NBAS: variants seen among roughly 807,000 people sequenced by gnomAD.
NBAS encodes the protein NAG/BC035112 fusion.
In NBAS, 219 loss-of-function variants were observed where a neutral mutation model predicts 302.5. That is an observed-to-expected ratio of 0.72 (90% CI 0.65 to 0.81). The LOEUF is 0.81. Among genes scored for constraint, NBAS ranks in the 30% least tolerant of loss-of-function variants. NBAS has a pLI of 0.00. For missense variants in NBAS, 2,932 were observed against 2,841.6 expected, an observed-to-expected ratio of 1.03 and a Z score of -0.72; for synonymous variants, 1,118 against 1,021.6, an observed-to-expected ratio of 1.09 and a Z score of -1.80.
At chr2:15,092,739 GATAATTGACTCTAT>G in the NBAS span, among the ~76,000 whole-genome samples, 4 of 152,298 alleles carry the variant, frequency 2.6e-5, no homozygotes, top group South Asian at 8.3e-4. Context: ...ATCTGCTCAG[GATAATTGACTCTAT>G]ATGAAGTCGG....
the NBAS span, among the ~76,000 whole-genome samples, chr2:15,088,669 C>G: frequency 6.6e-6 from 1 of 152,166 alleles, no homozygotes; most frequent in Non-Finnish European, 1.5e-5. Context: ...TCGGTGCTTC[C>G]TAGAGGACCA....
chr2:15,424,451 T>C lies in NBAS; in HGVS notation c.2441A>G (p.Asn814Ser). Residue 814 changes from asparagine (N) to serine (S), a missense_variant, in exon 23 of 52, where the codon AAT (asparagine) becomes AGT (serine). Transcript: ENST00000281513. ...CAAGAATTCACTTTCATCTTGGAGA[T>C]TCGGCTCAACAACCATTCTGTGAAG... The part of the protein sequence containing the change: ...ELACRMVVEP[N>S]LQDESEFLYA... The C allele has an allele frequency of 3.1e-6, 5 of 1,614,110 alleles. No homozygotes were observed. Among genetic ancestry groups the C allele is most frequent in the Non-Finnish European group, 3.4e-6 (4 of 1,179,972 alleles).
At chr2:15,394,895 C>G (rs1675794984) in intron 27 of NBAS, among the ~76,000 whole-genome samples, 1 of 152,162 alleles carries the variant, frequency 6.6e-6, no homozygotes, top group East Asian at 1.9e-4. Context: ...TCATCAACAT[C>G]ATATAAATAC....
the NBAS span, among the ~76,000 whole-genome samples, chr2:14,963,138 T>G: frequency 6.6e-6 from 1 of 152,006 alleles, no homozygotes; most frequent in East Asian, 1.9e-4. Context: ...TGTGGTGGTG[T>G]GTGCCTGTAA....
At chr2:15,152,956 T>C in the NBAS span, among the ~76,000 whole-genome samples, 1 of 152,134 alleles carries the variant, frequency 6.6e-6, no homozygotes, top group East Asian at 1.9e-4. Flanking sequence ...AGAACAGAGA[T>C]TTAGGGCCAA....
chr2:15,302,926 C>T (rs1558517185), intron 40 of NBAS, among the ~76,000 whole-genome samples: 3 of 152,180 alleles, frequency 2.0e-5, no homozygotes, highest in African/African-American at 7.2e-5. Context: ...TGCCCTTGAA[C>T]ATCAGACTCC....
At chr2:15,520,073 A>G (rs967358780) in intron 9 of NBAS, among the ~76,000 whole-genome samples, 2 of 151,968 alleles carry the variant, frequency 1.3e-5, no homozygotes. Context: ...CTCGGCTATA[A>G]TTTTTTTTAA....
At chr2:15,501,066 C>T (rs1444083352) in intron 11 of NBAS, among the ~76,000 whole-genome samples, 1 of 152,104 alleles carries the variant, frequency 6.6e-6, no homozygotes, top group Non-Finnish European at 1.5e-5. Context: ...CTTCGGGAGG[C>T]CGAGGCCAGC....
the NBAS span, among the ~76,000 whole-genome samples, chr2:14,914,448 G>C: frequency 9.8e-5 from 15 of 152,328 alleles, no homozygotes; most frequent in Non-Finnish European, 1.8e-4. Context: ...TCTGCAGAAG[G>C]ATGTGATTGG....
rs948843279 is a variant in NBAS at position 15,430,982 on chromosome 2, T to C, written c.2340-3188A>G. ...CCACAGTAGGCCCGGCTAATTTTTT[T>C]TTTTTTTAGAGAGACAGTTTCACCA... On this transcript the variant is annotated intron_variant, in intron 21 of 51. Coordinates refer to ENST00000281513, the MANE Select transcript of NBAS (RefSeq NM_015909.4). 2.6e-5 allele frequency among the ~76,000 whole-genome samples: 4 copies of C among 152,060 alleles called. No individual in the cohort carries two copies. In the East Asian group the frequency reaches 5.8e-4, roughly 22 times the overall value.
chr2:15,452,448 C>T (rs954594635), intron 21 of NBAS, among the ~76,000 whole-genome samples: 4 of 82,086 alleles, frequency 4.9e-5, no homozygotes, highest in Admixed American at 1.1e-4. Flanking sequence ...ATTAGTCGGG[C>T]GTGGTGGCGG....
chr2:15,538,822 A>C (rs1205442578), intron 7 of NBAS, among the ~76,000 whole-genome samples: 1 of 152,222 alleles, frequency 6.6e-6, no homozygotes, highest in Non-Finnish European at 1.5e-5. Flanking sequence ...AGAATAAAAT[A>C]GTATACAAAT....
At chr2:15,421,431 T>C (rs1677208053) in intron 23 of NBAS, among the ~76,000 whole-genome samples, 2 of 152,080 alleles carry the variant, frequency 1.3e-5, no homozygotes, top group African/African-American at 4.8e-5. Context: ...ATACCCTAGG[T>C]CCTGGCCAGA....
At chr2:15,135,044 C>G in the NBAS span, among the ~76,000 whole-genome samples, 2 of 152,196 alleles carry the variant, frequency 1.3e-5, no homozygotes, top group Non-Finnish European at 2.9e-5. Context: ...TTTCCAAGAG[C>G]CCACACTTGT....
chr2:15,017,888 C>T, the NBAS span, among the ~76,000 whole-genome samples: 1 of 151,970 alleles, frequency 6.6e-6, no homozygotes, highest in South Asian at 2.1e-4. Context: ...ATGGAATCCA[C>T]CAAGGTTCCC....
the NBAS span, among the ~76,000 whole-genome samples, chr2:14,953,556 T>G: frequency 2.0e-5 from 3 of 152,138 alleles, no homozygotes; most frequent in African/African-American, 7.2e-5. Flanking sequence ...GATGTGGGTA[T>G]GTGTGTCTGG....
chr2:15,439,273 A>G (rs150647719), intron 21 of NBAS, among the ~76,000 whole-genome samples: 1,820 of 150,070 alleles, frequency 0.012, 29 homozygotes, highest in East Asian at 0.057. Context: ...CTGCACTCCG[A>G]CCTGGGCCAA....
chr2:15,292,939 C>T (rs190205702), intron 40 of NBAS, among the ~76,000 whole-genome samples, 173 bp from the exon 41 acceptor site: 8 of 152,264 alleles, frequency 5.3e-5, no homozygotes, highest in South Asian at 2.1e-4. Flanking sequence ...TGGCACTTTA[C>T]CCAGTTAGCA....
At chr2:15,270,240 G>C (rs568124379) in intron 44 of NBAS, among the ~76,000 whole-genome samples, 16 of 152,214 alleles carry the variant, frequency 1.1e-4, no homozygotes, top group Admixed American at 3.3e-4. Context: ...TCTCGGGTCA[G>C]TGCAGCCTCC....
Sources: allele counts gnomAD v4.1 joint callset (sites outside exome capture counted in the v4.1 genomes callset), GRCh38; gene constraint gnomAD v4.1.1; transcripts MANE v1.5; gene names NCBI Gene and HGNC (gene_info 2026-07-23, HGNC 2026-07-21).